SDC1: variants seen among roughly 807,000 people sequenced by gnomAD.
SDC1 encodes syndecan 1, also known as syndecan-1.
Under a neutral mutation model 29.7 loss-of-function variants are expected in SDC1, and 14 were observed. The observed-to-expected ratio is 0.47, with a 90% CI of 0.31 to 0.74. SDC1 has a LOEUF of 0.74. SDC1 is among the 30% of genes least tolerant of loss of function. The pLI, the probability that SDC1 is intolerant of heterozygous loss-of-function variation, is 0.05. For synonymous variants in SDC1, 204 were observed against 175.5 expected (o/e 1.16, Z -1.29); for missense variants, 406 against 400.3 (o/e 1.01, Z -0.12).
In SDC1 at chr2:20,202,685, G is replaced by A; in HGVS notation, c.*81C>T. 1 of 1,390,426 alleles carries A rather than the reference G, an allele frequency of 7.2e-7. No individual in the cohort carries two copies. The highest frequency in any genetic ancestry group is 9.8e-7 in the Non-Finnish European group (1 of 1,016,990). 86.1% of individuals were successfully genotyped at this position (1,390,426 alleles called of 1,614,324 possible). ...GGGAGGTGGCCTGGTGGCAGGGGAG[G>A]CCAGGGCCTGCAGTTCTTCAAGGAA... On this transcript the variant is annotated 3_prime_UTR_variant, in exon 5 of 5. Coordinates refer to ENST00000254351, the MANE Select transcript of SDC1 (RefSeq NM_002997.5).
chr2:20,224,757 C>CCCGGCTTCCCG lies in SDC1; in HGVS notation c.66+34_66+44dup, dbSNP rs1335053644. On this transcript the variant is annotated intron_variant, in intron 1 of 4. Transcript: ENST00000254351. This position sits in a 1 kb window ranked among gnomAD's most constrained non-coding sequence, Gnocchi z 4.9. Reference sequence around the variant, plus strand: ...CCGCCGGCATCCGCGGGTGACCAGTCCCGGCTTCCCGCCGCCTCCCCGCCT... The same window carrying CCCGGCTTCCCG: ...CCGCCGGCATCCGCGGGTGACCAGTCCCGGCTTCCCGCCGGCTTCCCGCCGCCTCCCCGCCT... 7.7e-7 allele frequency: 1 copy of CCCGGCTTCCCG among 1,295,594 alleles called. No individual in the cohort carries two copies. The highest frequency in any genetic ancestry group is 9.8e-7 in the Non-Finnish European group (1 of 1,021,680). 80.3% of individuals were successfully genotyped at this position (1,295,594 alleles called of 1,614,324 possible).
chr2:20,223,498 T>C (rs1677887745), intron 1 of SDC1: 2 of 329,986 alleles, frequency 6.1e-6, no homozygotes, highest in African/African-American at 4.4e-5. Context: ...ACACCGCCAC[T>C]TCCGGAAGGG....
rs750324838 is a variant in SDC1 at position 20,203,866 on chromosome 2, C to T, written c.574G>A (p.Ala192Thr). 72 of 1,610,300 alleles carry T rather than the reference C, an allele frequency of 4.5e-5. No individual in the cohort carries two copies. In the South Asian group the frequency reaches 7.8e-4, roughly 17 times the overall value. The change falls in exon 3 of 5, where the codon GCT becomes ACT. Residue 192 changes from alanine to threonine, a missense_variant. By Grantham distance (58) the Ala-to-Thr change is moderately conservative. Transcript: ENST00000254351. ...DGGPSATERA[A>T]EDGASSQLPA... ...AGCTGACTGGAGGCTCCATCCTCAGCAGCCCTCTCGGTGGCAGAAGGACCT... is the reference window on the plus strand; with the variant it reads ...AGCTGACTGGAGGCTCCATCCTCAGTAGCCCTCTCGGTGGCAGAAGGACCT...
At chr2:20,220,439 G>A (rs528187301) in intron 1 of SDC1, among the ~76,000 whole-genome samples, 19 of 152,294 alleles carry the variant, frequency 1.2e-4, no homozygotes, top group Non-Finnish European at 2.2e-4. Flanking sequence ...CTAGGCCTCA[G>A]CTTCCTCATC....
chr2:20,211,245 T>C (rs1237768120), intron 1 of SDC1, among the ~76,000 whole-genome samples: 2 of 152,026 alleles, frequency 1.3e-5, no homozygotes, highest in African/African-American at 2.4e-5. Context: ...CCAGGTCCTG[T>C]AGGGGGTCTT....
chr2:20,205,446 G>T, intron 1 of SDC1, 22 bp from the exon 2 acceptor site: 3 of 1,603,860 alleles, frequency 1.9e-6, no homozygotes, highest in Non-Finnish European at 2.6e-6. Context: ...TCAGAATATG[G>T]TATGAGTAAA....
chr2:20,206,186 C>A (rs1398194315), intron 1 of SDC1, among the ~76,000 whole-genome samples: 1 of 152,228 alleles, frequency 6.6e-6, no homozygotes, highest in East Asian at 1.9e-4. Flanking sequence ...TAAGGCTAAT[C>A]TGGAAGGGGC....
intron 1 of SDC1, among the ~76,000 whole-genome samples, chr2:20,217,478 C>A (rs1260893502): frequency 6.6e-6 from 1 of 152,172 alleles, no homozygotes; most frequent in African/African-American, 2.4e-5. Context: ...CACAAGAGGC[C>A]ATGCACACCC....
intron 3 of SDC1, among the ~76,000 whole-genome samples, 160 bp from the exon 4 acceptor site, chr2:20,203,382 C>T (rs984262506): frequency 6.6e-6 from 1 of 152,260 alleles, no homozygotes; most frequent in East Asian, 1.9e-4. Context: ...AAAGCCAGGC[C>T]TTCTTGCCAC....
intron 3 of SDC1, among the ~76,000 whole-genome samples, 192 bp downstream of exon 3, chr2:20,203,621 T>C (rs1009376698): frequency 3.9e-5 from 6 of 152,222 alleles, no homozygotes; most frequent in Non-Finnish European, 4.4e-5. Flanking sequence ...TTAAGGGTGC[T>C]TCTGCTCTGA....
At chr2:20,206,307 G>T (rs890435886) in intron 1 of SDC1, among the ~76,000 whole-genome samples, 12 of 152,380 alleles carry the variant, frequency 7.9e-5, no homozygotes, top group African/African-American at 2.9e-4. Context: ...AGGCAAAGGG[G>T]CCAGAGGGCA....
chr2:20,204,328 G>C (rs769807062), intron 2 of SDC1, 37 bp from the exon 3 acceptor site: 15 of 1,439,482 alleles, frequency 1.0e-5, no homozygotes, highest in Non-Finnish European at 1.4e-5. Flanking sequence ...GGGGAGGTGG[G>C]GGGTGGGGAG....
chr2:20,222,088 AACAC>A (rs3044220), intron 1 of SDC1, among the ~76,000 whole-genome samples: 44,062 of 150,970 alleles, frequency 0.29, 6,885 homozygotes, highest in Middle Eastern at 0.37. Context: ...GACCACAGTA[AACAC>A]ACACACACAC....
At chr2:20,210,065 G>A (rs1167645671) in intron 1 of SDC1, among the ~76,000 whole-genome samples, 5 of 152,250 alleles carry the variant, frequency 3.3e-5, no homozygotes, top group Non-Finnish European at 5.9e-5. Context: ...ATTACTACTA[G>A]GCGCGGTGGC....
intron 1 of SDC1, among the ~76,000 whole-genome samples, chr2:20,213,044 C>A (rs572704308): frequency 6.6e-6 from 1 of 152,202 alleles, no homozygotes; most frequent in East Asian, 1.9e-4. Context: ...CACCGCACTG[C>A]CTGCTCACAG....
chr2:20,206,557 CT>C (rs1677278282), intron 1 of SDC1, among the ~76,000 whole-genome samples: 1 of 152,204 alleles, frequency 6.6e-6, no homozygotes, highest in Non-Finnish European at 1.5e-5. Context: ...CCCTATTCAC[CT>C]GCGAGACTTA....
intron 1 of SDC1, among the ~76,000 whole-genome samples, chr2:20,210,960 C>G (rs1220823245): frequency 1.3e-5 from 2 of 148,324 alleles, no homozygotes; most frequent in African/African-American, 5.0e-5. Flanking sequence ...CTTGGTTTCT[C>G]AGTCAGATCT....
intron 1 of SDC1, chr2:20,208,227 C>T (rs533114128): frequency 5.2e-5 from 25 of 485,286 alleles, no homozygotes; most frequent in East Asian, 1.5e-4. Flanking sequence ...GAGGCCCCAA[C>T]ACGTTAGCAG....
rs982879509 is a variant in SDC1, at chr2:20,202,248, A to C, written c.*518T>G. On this transcript the variant is annotated 3_prime_UTR_variant, in exon 5 of 5. Transcript: ENST00000254351. The stretch of plus-strand genomic sequence containing the variant: ...CTATGAACAAAGAACTAGAGGAAAC[A>C]TGTGCAAAAACAAGTCGATATCTAG... 6.4e-6 allele frequency: 5 copies of C among 778,612 alleles called. No homozygotes were observed. In the African/African-American group the frequency reaches 6.8e-5, roughly 11 times the overall value. The allele number at this position is 778,612 out of a possible 1,614,324, so 48.2% of individuals were successfully genotyped here. A position where few individuals can be genotyped will look rare whatever the true frequency, so the allele number is the denominator to read the frequency against.
Sources: gnomAD v4.1 joint callset for allele counts (sites outside exome capture counted in the v4.1 genomes callset) on GRCh38, gnomAD v4.1.1 for gene constraint, Gnocchi (gnomAD v3.1) non-coding constraint, MANE v1.5 for transcripts, NCBI Gene and HGNC (gene_info 2026-07-23, HGNC 2026-07-21) for gene names.